The following PNISR variants were observed in gnomAD, a reference collection of about 807,000 sequenced individuals.
The protein encoded by PNISR is arginine/serine-rich protein PNISR.
PNISR carries 20 observed loss-of-function variants against 93.4 expected under a neutral mutation model. The ratio of observed to expected loss-of-function variants is 0.21; its 90% CI spans 0.15 to 0.31. PNISR has a LOEUF of 0.31. PNISR is among the 10% of genes least tolerant of loss of function. PNISR has a pLI of 1.00. For synonymous variants in PNISR, 305 were observed against 306.5 expected (o/e 0.99, Z 0.05); for missense variants, 893 against 985.4 (o/e 0.91, Z 1.25).
In PNISR at chr6:99,404,686, A is replaced by G; in HGVS notation, c.1019T>C (p.Met340Thr). 1 of 1,588,316 alleles carries G rather than the reference A, an allele frequency of 6.3e-7. No individual in the cohort carries two copies. Among genetic ancestry groups the G allele is most frequent in the Non-Finnish European group, 8.6e-7 (1 of 1,156,984 alleles). Reference sequence around the variant, plus strand: ...ATCCAGCAGAATTTCTGTTAGAAGCATTTTTGTCAGCAACATCTAAAAAAG... The same window carrying G: ...ATCCAGCAGAATTTCTGTTAGAAGCGTTTTTGTCAGCAACATCTAAAAAAG... ...KEYQMMLLTK[M>T]LLTEILLDVT... Residue 340 changes from methionine to threonine, a missense_variant, in exon 9 of 12, where the codon ATG (methionine) becomes ACG (threonine). Met to Thr is a moderately conservative substitution (Grantham distance 81, BLOSUM62 -1). Coordinates refer to ENST00000369239, the MANE Select transcript of PNISR (RefSeq NM_032870.4).
intron 1 of PNISR, among the ~76,000 whole-genome samples, chr6:99,420,268 T>G (rs941420869): frequency 1.3e-5 from 2 of 152,216 alleles, no homozygotes; most frequent in Non-Finnish European, 2.9e-5. Flanking sequence ...TTTTCTTATA[T>G]GATTTAGAGT....
At chr6:99,414,495 C>T (rs1413700074) in intron 3 of PNISR, 77 bp downstream of exon 3, 1 of 736,140 alleles carries the variant, frequency 1.4e-6, no homozygotes, top group Non-Finnish European at 2.4e-6. Flanking sequence ...ATTCCATATC[C>T]CTTAATCCCA....
chr6:99,404,398 T>C, intron 9 of PNISR: 1 of 569,302 alleles, frequency 1.8e-6, no homozygotes, highest in African/African-American at 1.9e-5. Flanking sequence ...TGATTGCTAA[T>C]TTGTACTCAT....
Position 99,425,044 on chromosome 6 carries a change from C to A in PNISR, c.-112+171G>T, listed in dbSNP as rs991752316. 9.9e-6 allele frequency: 4 copies of A among 402,290 alleles called. No homozygotes were observed. In the East Asian group the frequency reaches 1.1e-4, roughly 11 times the overall value. 24.9% of individuals were successfully genotyped at this position (402,290 alleles called of 1,614,324 possible). On this transcript the variant is annotated intron_variant, in intron 1 of 11. Transcript: ENST00000369239. ...CATTTCCTTTTCAGCGAAAGCAGCG[C>A]TCTGATTTACCAAGTCTGGCGGACC...
chr6:99,407,675 A>G (rs1264632344), intron 7 of PNISR, among the ~76,000 whole-genome samples: 3 of 152,216 alleles, frequency 2.0e-5, no homozygotes, highest in Non-Finnish European at 4.4e-5. Flanking sequence ...AAATGTTGTT[A>G]TACTTCCAGT....
chr6:99,416,367 G>T lies in PNISR; in HGVS notation c.-50C>A. ...AACTGACCTCAGAGGTTCACCTTCT[G>T]TTTAAAACTTAGGTTGATTCAGACT... On this transcript the variant is annotated 5_prime_UTR_variant, in exon 2 of 12. Transcript: ENST00000369239. 8.3e-7 allele frequency: 1 copy of T among 1,199,166 alleles called. No individual in the cohort carries two copies. Among genetic ancestry groups the T allele is most frequent in the East Asian group, 3.2e-5 (1 of 31,488 alleles). 74.3% of individuals were successfully genotyped at this position (1,199,166 alleles called of 1,614,324 possible).
At chr6:99,424,412 A>T (rs1582875518) in intron 1 of PNISR, among the ~76,000 whole-genome samples, 1 of 82,632 alleles carries the variant, frequency 1.2e-5, no homozygotes, top group Non-Finnish European at 2.4e-5. Flanking sequence ...TTAGTAAGTT[A>T]AAAAAAAAAA....
intron 1 of PNISR, among the ~76,000 whole-genome samples, chr6:99,417,900 G>A (rs1203544305): frequency 1.3e-5 from 2 of 150,626 alleles, no homozygotes; most frequent in Non-Finnish European, 3.0e-5. Context: ...TCTGGGAGGC[G>A]GAGGTTGCAG....
At chr6:99,407,693 T>G (rs916212627) in intron 7 of PNISR, among the ~76,000 whole-genome samples, 9 of 152,178 alleles carry the variant, frequency 5.9e-5, no homozygotes, top group African/African-American at 2.2e-4. Context: ...AGTGCTCACG[T>G]CAAAAACAAT....
chr6:99,419,006 C>T (rs1049617273), intron 1 of PNISR, among the ~76,000 whole-genome samples: 6 of 151,650 alleles, frequency 4.0e-5, no homozygotes, highest in East Asian at 3.9e-4. Flanking sequence ...AAAAATTAGC[C>T]GGACATGGTG....
chr6:99,421,684 C>T (rs1778576385), intron 1 of PNISR, among the ~76,000 whole-genome samples: 1 of 152,136 alleles, frequency 6.6e-6, no homozygotes, highest in Admixed American at 6.5e-5. Context: ...CACTGTTAGC[C>T]TTCAGAACTG....
rs999916311 is a variant in PNISR, at chr6:99,413,739, A to G, written c.88+833T>C. ...ATATTAATAAAGTAAACAAAGTAGA[A>G]TAAGATATGTTTTTCTGCATCTTAC... On this transcript the variant is annotated intron_variant, in intron 3 of 11. Transcript: ENST00000369239. Among the ~76,000 whole-genome samples, 58 of 151,844 alleles carry G rather than the reference A, an allele frequency of 3.8e-4. 3 individuals carry two copies. The highest frequency in any genetic ancestry group is 6.6e-5 in the Admixed American group (1 of 15,206).
rs1371646206 is a variant in PNISR at position 99,399,247 on chromosome 6, A to C, written c.*1293T>G. 2 of 152,140 alleles carry C rather than the reference A, an allele frequency of 1.3e-5. No individual in the cohort carries two copies. The highest frequency in any genetic ancestry group is 4.8e-5 in the African/African-American group (2 of 41,460). 9.4% of individuals were successfully genotyped at this position (152,140 alleles called of 1,614,324 possible). On this transcript the variant is annotated 3_prime_UTR_variant, in exon 12 of 12. Coordinates refer to ENST00000369239, the MANE Select transcript of PNISR (RefSeq NM_032870.4). ...TCACTGAGTAAGTGATTACATAAAA[A>C]AATGGACCCTAAAGCAACTGAGTTA...
At position 99,401,180 on chromosome 6, in the gene PNISR, T is replaced by C; in HGVS notation, c.1778A>G (p.Asp593Gly). The C allele has an allele frequency of 1.2e-6, 2 of 1,613,842 alleles. No homozygotes were observed. Among genetic ancestry groups the C allele is most frequent in the Non-Finnish European group, 1.7e-6 (2 of 1,179,704 alleles). Residue 593 changes from aspartate to glycine, a missense_variant, in exon 12 of 12, where the codon GAT becomes GGT. Physicochemically the swap from Asp to Gly is moderately conservative, Grantham distance 94. Coordinates refer to ENST00000369239, the MANE Select transcript of PNISR (RefSeq NM_032870.4). ...GCTATTTCTATTAGATCTCCTTCTATCTCTAATCTTTACCCTAGCCCTATT... is the reference window on the plus strand; with the variant it reads ...GCTATTTCTATTAGATCTCCTTCTACCTCTAATCTTTACCCTAGCCCTATT... Reference protein sequence around the residue: ...ESNRARVKIRDRRRSNRNSIE... With the variant: ...ESNRARVKIRGRRRSNRNSIE...
At chr6:99,402,123 T>C (rs1238160401) in intron 11 of PNISR, among the ~76,000 whole-genome samples, 1 of 152,228 alleles carries the variant, frequency 6.6e-6, no homozygotes, top group Non-Finnish European at 1.5e-5. Context: ...TGCTAACTCT[T>C]AATTACCTTA....
chr6:99,412,259 G>C, intron 4 of PNISR: 1 of 548,178 alleles, frequency 1.8e-6, no homozygotes, highest in East Asian at 4.5e-5. Context: ...GAGAGACAAA[G>C]AATGCTCTCT....
At chr6:99,417,390 T>C (rs1172626420) in intron 1 of PNISR, among the ~76,000 whole-genome samples, 2 of 152,238 alleles carry the variant, frequency 1.3e-5, no homozygotes, top group Non-Finnish European at 1.5e-5. Flanking sequence ...ACTTGTCACC[T>C]AGACTTCAGA....
At chr6:99,411,795 T>A (rs1022200167) in intron 4 of PNISR, 1 of 151,394 alleles carries the variant, frequency 6.6e-6, no homozygotes, top group Non-Finnish European at 1.4e-5. Context: ...TTAAGGTTTT[T>A]TTTTTTTTTT....
rs1190889031 is a variant in PNISR at position 99,416,401 on chromosome 6, G to A, written c.-84C>T. 9.0e-6 allele frequency: 11 copies of A among 1,218,322 alleles called. No individual in the cohort carries two copies. The Admixed American group carries it at 1.3e-4, about 14-fold the overall frequency. 75.5% of individuals were successfully genotyped at this position (1,218,322 alleles called of 1,614,324 possible). A position where few individuals can be genotyped will look rare whatever the true frequency, so the allele number is the denominator to read the frequency against. ...TTAGGTTGATTCAGACTACAGCTTC[G>A]AAGCATAGCAGCAAGATTATGTATG... On this transcript the variant is annotated 5_prime_UTR_variant, in exon 2 of 12. It introduces an in-frame stop codon into an upstream open reading frame of the 5' UTR. Coordinates refer to ENST00000369239, the MANE Select transcript of PNISR (RefSeq NM_032870.4).
Sources: allele counts gnomAD v4.1 joint callset (sites outside exome capture counted in the v4.1 genomes callset), GRCh38; gene constraint gnomAD v4.1.1; transcripts MANE v1.5; gene names NCBI Gene and HGNC (gene_info 2026-07-23, HGNC 2026-07-21).